Variants in MGAT4C observed in about 807,000 individuals in gnomAD.
MGAT4C encodes alpha-1,3-mannosyl-glycoprotein 4-beta-N-acetylglucosaminyltransferase C.
Under a neutral mutation model 40.1 loss-of-function variants are expected in MGAT4C, and 19 were observed. That is an observed-to-expected ratio of 0.47 (90% CI 0.33 to 0.70). The LOEUF is 0.70. MGAT4C is among the 30% of genes least tolerant of loss of function. The pLI, the probability that MGAT4C is intolerant of heterozygous loss-of-function variation, is 0.02. For synonymous variants in MGAT4C, 181 were observed against 187.1 expected, an observed-to-expected ratio of 0.97 and a Z score of 0.27; for missense variants, 491 against 563.2, an observed-to-expected ratio of 0.87 and a Z score of 1.30.
At chr12:86,500,481 T>C (rs116165058) in intron 2 of MGAT4C, among the ~76,000 whole-genome samples, 2 of 151,662 alleles carry the variant, frequency 1.3e-5, no homozygotes, top group Admixed American at 1.3e-4. Flanking sequence ...TTAAATTTTA[T>C]ATTAAATGAA....
chr12:86,411,657 T>C (rs1005165053), intron 3 of MGAT4C, among the ~76,000 whole-genome samples: 1 of 152,054 alleles, frequency 6.6e-6, no homozygotes, highest in Non-Finnish European at 1.5e-5. Context: ...TGTGGAAAAA[T>C]TGCAGCCTGG....
chr12:86,137,164 C>T (rs1882087471), intron 1 of MGAT4C, among the ~76,000 whole-genome samples: 4 of 152,104 alleles, frequency 2.6e-5, no homozygotes, highest in Admixed American at 6.6e-5. Flanking sequence ...TTTTCAGCAT[C>T]CCATTCATAT....
chr12:86,829,600 T>C (rs1210867765), intron 1 of MGAT4C, among the ~76,000 whole-genome samples: 1 of 151,516 alleles, frequency 6.6e-6, no homozygotes, highest in Non-Finnish European at 1.5e-5. Context: ...ATCAAGTGTA[T>C]TCATAACTTA....
chr12:86,442,043 G>A lies in MGAT4C; in HGVS notation c.-228-6778C>T, dbSNP rs560620864. The stretch of plus-strand genomic sequence containing the variant: ...TTTTTAATGATTGCCATTCTAACTG[G>A]TGTGAGATGGTATCTCATTGTGGTT... On this transcript the variant is annotated intron_variant, in intron 2 of 7. Transcript: ENST00000548651. 1.4e-3 allele frequency among the ~76,000 whole-genome samples: 219 copies of A among 152,190 alleles called. 1 individual carries two copies. The highest frequency in any genetic ancestry group is 5.0e-3 in the African/African-American group (207 of 41,534).
At chr12:86,756,146 G>A (rs1468206144) in intron 1 of MGAT4C, among the ~76,000 whole-genome samples, 1 of 152,048 alleles carries the variant, frequency 6.6e-6, no homozygotes, top group Non-Finnish European at 1.5e-5. Flanking sequence ...CAGTTCCAGA[G>A]CCCAGAAGTG....
intron 1 of MGAT4C, among the ~76,000 whole-genome samples, chr12:86,124,374 A>G (rs1879917033): frequency 6.6e-6 from 1 of 152,204 alleles, no homozygotes. Context: ...ACAAGAAAAC[A>G]CAGAATAATG....
intron 4 of MGAT4C, among the ~76,000 whole-genome samples, chr12:86,261,588 A>G (rs1386934899): frequency 6.6e-6 from 1 of 152,100 alleles, no homozygotes; most frequent in Non-Finnish European, 1.5e-5. Flanking sequence ...ATTCAGACCA[A>G]TATTTTGCAA....
intron 3 of MGAT4C, among the ~76,000 whole-genome samples, chr12:86,335,957 A>G (rs894030678): frequency 7.2e-5 from 11 of 152,016 alleles, no homozygotes; most frequent in Admixed American, 7.2e-4. Context: ...GTCCCACTGC[A>G]CTCTTCTGCA....
chr12:86,756,798 A>G (rs889884775), intron 1 of MGAT4C, among the ~76,000 whole-genome samples: 1 of 152,246 alleles, frequency 6.6e-6, no homozygotes, highest in East Asian at 1.9e-4. Flanking sequence ...CAGGTGCAAT[A>G]TAAGGTCCTT....
chr12:86,770,379 A>G (rs1250993952), intron 1 of MGAT4C, among the ~76,000 whole-genome samples: 1 of 152,198 alleles, frequency 6.6e-6, no homozygotes, highest in East Asian at 1.9e-4. Flanking sequence ...GAGAGTAGTG[A>G]CTACTAAATA....
chr12:86,771,516 CT>C (rs1411381576), intron 1 of MGAT4C, among the ~76,000 whole-genome samples: 1 of 151,986 alleles, frequency 6.6e-6, no homozygotes, highest in Non-Finnish European at 1.5e-5. Flanking sequence ...TAGAAAAAGT[CT>C]CTATCCTCTT....
At chr12:86,762,955 G>A (rs777851420) in intron 1 of MGAT4C, among the ~76,000 whole-genome samples, 4 of 152,100 alleles carry the variant, frequency 2.6e-5, no homozygotes, top group South Asian at 2.1e-4. Context: ...ACATGTTTCT[G>A]TTCTCCATGG....
intron 1 of MGAT4C, among the ~76,000 whole-genome samples, chr12:86,174,727 G>A (rs572564045): frequency 1.3e-5 from 2 of 151,978 alleles, no homozygotes; most frequent in South Asian, 2.1e-4. Context: ...GGATTAAAGT[G>A]GTATCACTGA....
At chr12:86,269,420 T>C (rs1952886409) in intron 4 of MGAT4C, among the ~76,000 whole-genome samples, 1 of 151,932 alleles carries the variant, frequency 6.6e-6, no homozygotes, top group African/African-American at 2.4e-5. Context: ...TCTATTAACA[T>C]TTCTTGACAG....
intron 1 of MGAT4C, among the ~76,000 whole-genome samples, chr12:86,075,641 G>A (rs1003927136): frequency 3.3e-5 from 5 of 152,176 alleles, no homozygotes; most frequent in Non-Finnish European, 7.4e-5. Context: ...TTTTGCCTGG[G>A]AATCCAGGTG....
intron 2 of MGAT4C, among the ~76,000 whole-genome samples, chr12:86,616,856 G>A (rs1044463110): frequency 1.1e-4 from 17 of 151,956 alleles, no homozygotes; most frequent in African/African-American, 2.4e-5. Context: ...CATTTAGACA[G>A]GGGAATAAAT....
intron 2 of MGAT4C, among the ~76,000 whole-genome samples, chr12:86,575,428 T>C (rs1460388737): frequency 6.6e-6 from 1 of 151,810 alleles, no homozygotes; most frequent in Non-Finnish European, 1.5e-5. Flanking sequence ...TCAATTGTTT[T>C]GATTTTTAGA....
intron 1 of MGAT4C, among the ~76,000 whole-genome samples, chr12:86,736,145 ATTC>A (rs553552978): frequency 6.5e-4 from 98 of 151,678 alleles, no homozygotes; most frequent in African/African-American, 2.3e-3. Context: ...TAGCTTCTCC[ATTC>A]TTCTTCTCAA....
chr12:86,060,395 C>G (rs1483729296), intron 1 of MGAT4C, among the ~76,000 whole-genome samples: 2 of 152,022 alleles, frequency 1.3e-5, no homozygotes, highest in Non-Finnish European at 2.9e-5. Flanking sequence ...TAAAATATAT[C>G]TAGTTGTTTA....
Sources: gnomAD v4.1 joint callset for allele counts (sites outside exome capture counted in the v4.1 genomes callset) on GRCh38, gnomAD v4.1.1 for gene constraint, MANE v1.5 for transcripts, NCBI Gene and HGNC (gene_info 2026-07-23, HGNC 2026-07-21) for gene names.